Variants in RRM1 observed in about 807,000 individuals in gnomAD.
RRM1 encodes the protein ribonucleotide reductase catalytic subunit M1.
A neutral mutation model predicts 101.5 loss-of-function variants in RRM1; 19 were observed. The observed-to-expected ratio is 0.19, with a 90% CI of 0.13 to 0.27. RRM1 has a LOEUF of 0.27. Among genes scored for constraint, RRM1 ranks in the 10% least tolerant of loss-of-function variants. RRM1 has a pLI of 1.00. For synonymous variants in RRM1, 298 were observed against 323.4 expected (o/e 0.92, Z 0.84); for missense variants, 500 against 962.9 (o/e 0.52, Z 6.36).
intron 7 of RRM1, among the ~76,000 whole-genome samples, chr11:4,115,911 C>T (rs2094572472): frequency 1.3e-5 from 2 of 152,116 alleles, no homozygotes; most frequent in Admixed American, 6.5e-5. Flanking sequence ...CAGAGCAAAA[C>T]ACCATAGAGC....
rs532268453 is a variant in RRM1, at chr11:4,105,974, T to C, written c.109-72T>C. 1.9e-4 allele frequency: 254 copies of C among 1,338,146 alleles called. 2 individuals carry two copies. The African/African-American group carries it at 3.2e-3, about 17-fold the overall frequency. The allele number at this position is 1,338,146 out of a possible 1,614,324, so 82.9% of individuals were successfully genotyped here. On this transcript the variant is annotated intron_variant, in intron 2 of 18. Coordinates refer to ENST00000300738, the MANE Select transcript of RRM1 (RefSeq NM_001033.5). ...CTACCACACCTGGCCATGATGGTTT[T>C]CTTAATTACTCTTTTAAGGAAGCTA... is the stretch of plus-strand genomic sequence containing the variant.
At chr11:4,096,154 T>C (rs1290708035) in intron 1 of RRM1, among the ~76,000 whole-genome samples, 1 of 152,024 alleles carries the variant, frequency 6.6e-6, no homozygotes, top group Non-Finnish European at 1.5e-5. Context: ...GCCTCTCAAG[T>C]AGCTGGGACT....
intron 14 of RRM1, 82 bp downstream of exon 14, chr11:4,127,338 A>T: frequency 1.3e-6 from 1 of 780,208 alleles, no homozygotes; most frequent in Non-Finnish European, 1.9e-6. Context: ...ATATGTCCAC[A>T]TCCTAATTCC....
In RRM1 at chr11:4,138,394, G is replaced by A. The variant is rs757534920; in HGVS notation, c.*11G>A. ...ATGTGTGGATCCTGAGGAAAGACTT[G>A]GAAGAGACCAGCATGTCTTCAGTAG... On this transcript the variant is annotated 3_prime_UTR_variant, in exon 19 of 19. Coordinates refer to ENST00000300738, the MANE Select transcript of RRM1 (RefSeq NM_001033.5). 39 of 1,587,996 alleles carry A rather than the reference G, an allele frequency of 2.5e-5. No homozygotes were observed. Among genetic ancestry groups the A allele is most frequent in the Admixed American group, 1.8e-4 (10 of 56,294 alleles).
intron 15 of RRM1, among the ~76,000 whole-genome samples, chr11:4,131,302 G>T (rs11031068): frequency 5.3e-5 from 8 of 152,086 alleles, no homozygotes; most frequent in Non-Finnish European, 7.4e-5. Context: ...ATTACCTCCC[G>T]CCAGGTCCCT....
chr11:4,098,390 C>T (rs2094546478), intron 1 of RRM1, among the ~76,000 whole-genome samples: 1 of 144,830 alleles, frequency 6.9e-6, no homozygotes, highest in Admixed American at 6.9e-5. Context: ...CCCTCCCCTC[C>T]CTCTCCCCCT....
At chr11:4,106,351 C>A in intron 3 of RRM1, 128 bp downstream of exon 3, 1 of 804,516 alleles carries the variant, frequency 1.2e-6, no homozygotes, top group Non-Finnish European at 2.0e-6. Context: ...CGAATCCCAG[C>A]AATTTGGGAG....
chr11:4,105,938 A>G (rs1441949930), intron 2 of RRM1, 108 bp from the exon 3 acceptor site: 6 of 826,146 alleles, frequency 7.3e-6, no homozygotes, highest in Admixed American at 2.4e-5. Flanking sequence ...AGCTGGGACT[A>G]TAGGCATGTA....
chr11:4,095,042 G>C lies in RRM1; in HGVS notation c.19+11G>C. 3 of 1,568,488 alleles carry C rather than the reference G, an allele frequency of 1.9e-6. No individual in the cohort carries two copies. The highest frequency in any genetic ancestry group is 2.6e-6 in the Non-Finnish European group (3 of 1,157,006). On this transcript the variant is annotated intron_variant, in intron 1 of 18. Transcript: ENST00000300738. ...ATGTGATCAAGCGAGGTGAGGGGGG[G>C]ACGAGGTGGGCGAGAAGGAAGGTGA...
chr11:4,117,440 T>G (rs892159504), intron 7 of RRM1, among the ~76,000 whole-genome samples: 1 of 152,242 alleles, frequency 6.6e-6, no homozygotes, highest in Non-Finnish European at 1.5e-5. Flanking sequence ...ATTTATACAA[T>G]AGAATACCTT....
chr11:4,103,227 C>T (rs1055412012), intron 2 of RRM1, among the ~76,000 whole-genome samples: 2 of 152,124 alleles, frequency 1.3e-5, no homozygotes, highest in African/African-American at 2.4e-5. Flanking sequence ...ATCTAATTAG[C>T]CACTTGACCA....
chr11:4,129,028 T>A, intron 14 of RRM1, 46 bp from the exon 15 acceptor site: 20 of 984,248 alleles, frequency 2.0e-5, no homozygotes, highest in Non-Finnish European at 2.4e-5. Flanking sequence ...TTTTTGGTCA[T>A]AGTTTTAACT....
chr11:4,136,589 G>A (rs1400475799), intron 18 of RRM1, among the ~76,000 whole-genome samples: 2 of 150,792 alleles, frequency 1.3e-5, no homozygotes, highest in Non-Finnish European at 3.0e-5. Context: ...ACGGAGTCTC[G>A]CTCTGTTGCC....
chr11:4,096,562 A>G (rs2094543784), intron 1 of RRM1, among the ~76,000 whole-genome samples: 1 of 152,216 alleles, frequency 6.6e-6, no homozygotes, highest in African/African-American at 2.4e-5. Context: ...CCTAGCTCAC[A>G]TTTTAGCTGA....
intron 7 of RRM1, 72 bp from the exon 8 acceptor site, chr11:4,118,248 T>C: frequency 1.4e-6 from 2 of 1,423,666 alleles, no homozygotes; most frequent in South Asian, 2.7e-5. Context: ...TTAGTGTCTT[T>C]GTGTTGAGTA....
In RRM1 at chr11:4,117,897, A is replaced by G. The variant is rs183440946; in HGVS notation, c.651-423A>G. Among the ~76,000 whole-genome samples, 147 of 152,336 alleles carry G rather than the reference A, an allele frequency of 9.6e-4. 1 individual carries two copies. Among genetic ancestry groups the G allele is most frequent in the African/African-American group, 3.3e-3 (139 of 41,580 alleles). ...AAGGAGCTATGATTTTGGTAGACGT[A>G]TCAAAGAATTGGTTGACAATTGGAG... On this transcript the variant is annotated intron_variant, in intron 7 of 18. Transcript: ENST00000300738.
At chr11:4,123,494 G>A (rs1333247614) in intron 12 of RRM1, 110 bp downstream of exon 12, 4 of 834,628 alleles carry the variant, frequency 4.8e-6, no homozygotes, top group Non-Finnish European at 6.0e-6. Flanking sequence ...AGTTTGCATA[G>A]TTGTAAGCAG....
intron 15 of RRM1, among the ~76,000 whole-genome samples, chr11:4,130,288 A>C (rs1590732206): frequency 6.6e-6 from 1 of 151,812 alleles, no homozygotes; most frequent in Non-Finnish European, 1.5e-5. Flanking sequence ...AAAGTAACTT[A>C]TTCTTTTTCC....
chr11:4,108,419 A>C (rs570855629), intron 4 of RRM1, among the ~76,000 whole-genome samples: 14 of 152,016 alleles, frequency 9.2e-5, no homozygotes, highest in Non-Finnish European at 1.8e-4. Flanking sequence ...TAACACGGTG[A>C]AACCCCGTCT....
Sources: allele counts gnomAD v4.1 joint callset (sites outside exome capture counted in the v4.1 genomes callset), GRCh38; gene constraint gnomAD v4.1.1; transcripts MANE v1.5; gene names NCBI Gene and HGNC (gene_info 2026-07-23, HGNC 2026-07-21).